OR52I2: variants seen among roughly 807,000 people sequenced by gnomAD.
The protein encoded by OR52I2 is olfactory receptor family 52 subfamily I member 2.
For synonymous variants in OR52I2, 147 were observed against 151.9 expected, an observed-to-expected ratio of 0.97 and a Z score of 0.24; for missense variants, 350 against 402.4, an observed-to-expected ratio of 0.87 and a Z score of 1.11.
rs754995723 is a variant in OR52I2, at chr11:4,587,621, C to T, written c.731C>T (p.Thr244Ile). 9.3e-6 allele frequency: 15 copies of T among 1,614,134 alleles called. No individual in the cohort carries two copies. Among genetic ancestry groups the T allele is most frequent in the East Asian group, 4.5e-5 (2 of 44,884 alleles). ...ACTGCTCAGTTGAAAGCATTAAGCA[C>T]ATGTGGCTCCCATGTGGGGGTTATG... Residue 244 changes from threonine to isoleucine, a missense_variant, in exon 2 of 2, where the codon ACA becomes ATA. Physicochemically the swap from Thr to Ile is moderately conservative, Grantham distance 89. Transcript: ENST00000641896.
At chr11:4,588,782 A>C (rs1207173817) in exon 2 of OR52I2, 1 of 152,224 alleles carries the variant, frequency 6.6e-6, no homozygotes, top group Non-Finnish European at 1.5e-5. Context: ...AGTGAAGTGA[A>C]ATACGGTTAT....
In OR52I2 at chr11:4,587,843, AC is replaced by A; in HGVS notation, c.955del (p.His319IlefsTer27). The stretch of plus-strand genomic sequence containing the variant: ...AGTTATCTGATGCATGTCCTCTTTG[AC>A]CATTCCAACCTGGGTTCATGAACAC... On this transcript the variant is annotated frameshift_variant, in exon 2 of 2. Coordinates refer to ENST00000641896, the Ensembl canonical transcript of OR52I2. LOFTEE classifies it high-confidence loss of function. The A allele has an allele frequency of 1.2e-6, 2 of 1,613,870 alleles. No homozygotes were observed. Among genetic ancestry groups the A allele is most frequent in the Non-Finnish European group, 1.7e-6 (2 of 1,179,816 alleles).
intron 1 of OR52I2, among the ~76,000 whole-genome samples, chr11:4,583,102 T>C (rs1479349776): frequency 1.3e-5 from 2 of 152,194 alleles, no homozygotes; most frequent in African/African-American, 4.8e-5. Flanking sequence ...AGATCCTTGA[T>C]GGAGATGACA....
chr11:4,582,361 C>A (rs1846263363), intron 1 of OR52I2, among the ~76,000 whole-genome samples: 1 of 151,694 alleles, frequency 6.6e-6, no homozygotes, highest in Non-Finnish European at 1.5e-5. Context: ...AAAATCCTCA[C>A]AGGTCTTGTG....
chr11:4,587,019 G>T, exon 2 of OR52I2: 1 of 1,614,138 alleles, frequency 6.2e-7, no homozygotes, highest in Admixed American at 1.7e-5. Context: ...TCATAGCCCT[G>T]TTAGGAAACA....
exon 2 of OR52I2, chr11:4,587,023 G>C (rs557100327): frequency 8.7e-6 from 14 of 1,614,130 alleles, no homozygotes; most frequent in Admixed American, 6.7e-5. Flanking sequence ...AGCCCTGTTA[G>C]GAAACACCAT....
chr11:4,587,530 G>A (rs1485373269), exon 2 of OR52I2: 1 of 1,614,056 alleles, frequency 6.2e-7, no homozygotes, highest in Non-Finnish European at 8.5e-7. Context: ...GGTGGGCTCT[G>A]ATGTGGCCTT....
chr11:4,591,316 C>T (rs997540313), exon 2 of OR52I2: 3 of 152,156 alleles, frequency 2.0e-5, no homozygotes, highest in African/African-American at 7.2e-5. Flanking sequence ...GGTAACTTCT[C>T]ACGATGAAAG....
intron 1 of OR52I2, among the ~76,000 whole-genome samples, chr11:4,583,414 T>A (rs1846275498): frequency 1.3e-5 from 2 of 152,184 alleles, no homozygotes; most frequent in Non-Finnish European, 1.5e-5. Context: ...AGGGTAGGAA[T>A]ATCCTGGATC....
chr11:4,583,916 T>A (rs1846279424), intron 1 of OR52I2, among the ~76,000 whole-genome samples: 1 of 152,220 alleles, frequency 6.6e-6, no homozygotes, highest in Non-Finnish European at 1.5e-5. Context: ...ATATGTCTTT[T>A]GGTTAGGATT....
chr11:4,591,388 C>T (rs1362725867), exon 2 of OR52I2: 1 of 152,178 alleles, frequency 6.6e-6, no homozygotes, highest in East Asian at 1.9e-4. Context: ...TGAGGCTTGG[C>T]AAATGAGCAC....
exon 2 of OR52I2, chr11:4,590,562 G>T (rs914274807): frequency 6.6e-6 from 1 of 152,186 alleles, no homozygotes; most frequent in African/African-American, 2.4e-5. Context: ...CAGGGCTGAG[G>T]CCTCAGCATC....
At chr11:4,589,785 A>C (rs1846337473) in exon 2 of OR52I2, 1 of 152,166 alleles carries the variant, frequency 6.6e-6, no homozygotes, top group Admixed American at 6.5e-5. Context: ...GTAGGAAGAA[A>C]GGGTTATCAT....
At chr11:4,592,208 T>C (rs1362220958) in exon 2 of OR52I2, 1 of 152,244 alleles carries the variant, frequency 6.6e-6, no homozygotes, top group African/African-American at 2.4e-5. Flanking sequence ...CTAAGCACTT[T>C]TACATAGCTT....
At chr11:4,590,515 T>C (rs934419930) in exon 2 of OR52I2, 8 of 152,208 alleles carry the variant, frequency 5.3e-5, no homozygotes, top group Middle Eastern at 3.4e-3. Context: ...AGAAAAACAC[T>C]CTCAAGGGCA....
chr11:4,587,204 T>G (rs1483203168), exon 2 of OR52I2: 1 of 1,614,048 alleles, frequency 6.2e-7, no homozygotes, highest in Non-Finnish European at 8.5e-7. Context: ...TTCACTCAGA[T>G]GTTTTTTGTC....
At chr11:4,583,454 T>A (rs1290259309) in intron 1 of OR52I2, among the ~76,000 whole-genome samples, 2 of 152,142 alleles carry the variant, frequency 1.3e-5, no homozygotes, top group African/African-American at 2.4e-5. Context: ...GCTGTTTGGA[T>A]CCTCAAGCTT....
intron 1 of OR52I2, among the ~76,000 whole-genome samples, chr11:4,582,434 A>ATTTTTTTTTTTTTTT (rs386372959): frequency 9.3e-5 from 9 of 96,482 alleles, no homozygotes; most frequent in Admixed American, 1.4e-4. Flanking sequence ...TTTATTTTTC[A>ATTTTTTTTTTTTTTT]TTTTTTTTTT....
At chr11:4,583,876 C>A (rs1193069047) in intron 1 of OR52I2, among the ~76,000 whole-genome samples, 2 of 152,144 alleles carry the variant, frequency 1.3e-5, no homozygotes, top group Non-Finnish European at 2.9e-5. Flanking sequence ...CAGTGCTAGG[C>A]TTTCTAGGAG....
Sources: allele counts gnomAD v4.1 joint callset (sites outside exome capture counted in the v4.1 genomes callset), GRCh38; gene constraint gnomAD v4.1.1; transcripts MANE v1.5; gene names NCBI Gene and HGNC (gene_info 2026-07-23, HGNC 2026-07-21).